Variants in GRK2 observed in about 807,000 individuals in gnomAD.
The protein encoded by GRK2 is G protein-coupled receptor kinase 2, also known as adrenergic beta receptor kinase 1.
A neutral mutation model predicts 97.8 loss-of-function variants in GRK2; 23 were observed. The ratio of observed to expected loss-of-function variants is 0.24; its 90% CI spans 0.17 to 0.33. GRK2 has a LOEUF of 0.33. Among genes scored for constraint, GRK2 ranks in the 10% least tolerant of loss-of-function variants. The pLI is 1.00. For missense variants in GRK2, 633 were observed against 956.9 expected (o/e 0.66, Z 4.47); for synonymous variants, 425 against 381.7 (o/e 1.11, Z -1.32).
chr11:67,283,055 C>T (rs1043071699), intron 14 of GRK2, 73 bp from the exon 15 acceptor site: 3 of 1,488,750 alleles, frequency 2.0e-6, no homozygotes, highest in Middle Eastern at 1.7e-4. Context: ...GCCTGGACCC[C>T]TCTCTCCCCT....
chr11:67,270,920 A>G (rs1859892861), intron 1 of GRK2: 1 of 152,214 alleles, frequency 6.6e-6, no homozygotes, highest in Non-Finnish European at 1.5e-5. Context: ...TTAATGCACA[A>G]TCAATTCCTA....
chr11:67,272,923 G>A (rs1319352372), intron 1 of GRK2, among the ~76,000 whole-genome samples: 1 of 152,258 alleles, frequency 6.6e-6, no homozygotes, highest in African/African-American at 2.4e-5. Flanking sequence ...AGAGGCTTGA[G>A]CAAGACCAGT....
chr11:67,274,856 C>G (rs1009646461), intron 1 of GRK2, among the ~76,000 whole-genome samples: 1 of 152,126 alleles, frequency 6.6e-6, no homozygotes, highest in Admixed American at 6.5e-5. Context: ...CCCGAAGGGG[C>G]GGGTGTGCTG....
chr11:67,268,086 T>C (rs1244963004), intron 1 of GRK2, among the ~76,000 whole-genome samples: 5 of 152,202 alleles, frequency 3.3e-5, no homozygotes, highest in Non-Finnish European at 7.4e-5. Context: ...CGTGGTCTTA[T>C]CTTGTGACTC....
At position 67,281,780 on chromosome 11, in the gene GRK2, G is replaced by GGGC; in HGVS notation, c.827-41_827-39dup. The GGGC allele has an allele frequency of 5.6e-6, 9 of 1,613,642 alleles. No individual in the cohort carries two copies. The highest frequency in any genetic ancestry group is 7.6e-6 in the Non-Finnish European group (9 of 1,179,984). The stretch of plus-strand genomic sequence containing the variant: ...GGCCGGGCCCAGGCACGGGAGGCTG[G>GGGC]GGCAAGACACTGAGTGCTGCCTGTG... On this transcript the variant is annotated intron_variant, in intron 10 of 20. Transcript: ENST00000308595. The surrounding 1 kb of genome is among the most constrained non-coding windows in gnomAD (Gnocchi z 5.7).
intron 1 of GRK2, among the ~76,000 whole-genome samples, chr11:67,274,994 C>T (rs537488198): frequency 1.6e-4 from 25 of 152,170 alleles, no homozygotes; most frequent in African/African-American, 4.1e-4. Flanking sequence ...TCATAGGATG[C>T]GAACTCAGGG....
At chr11:67,284,063 C>A in intron 17 of GRK2, 114 bp downstream of exon 17, 4 of 1,407,044 alleles carry the variant, frequency 2.8e-6, no homozygotes, top group Admixed American at 1.9e-5. Context: ...AGCTTGTAGG[C>A]CTCAGTTCCT....
chr11:67,277,730 C>T (rs1234479411), intron 2 of GRK2, among the ~76,000 whole-genome samples: 1 of 152,254 alleles, frequency 6.6e-6, no homozygotes, highest in Admixed American at 6.5e-5. Context: ...TGGTTGGCCC[C>T]GCCCCACCCC....
intron 1 of GRK2, among the ~76,000 whole-genome samples, chr11:67,272,396 T>A (rs1292203328): frequency 6.6e-6 from 1 of 151,592 alleles, no homozygotes; most frequent in Non-Finnish European, 1.5e-5. Context: ...TCAGCAAGAG[T>A]GTGTTTGTCT....
rs771198173 is a variant in GRK2 at position 67,266,747 on chromosome 11, C to T, written c.48C>T (p.Ala16=). Residue 16 remains alanine, a synonymous_variant, in exon 1 of 21, where the codon GCC becomes GCT. Coordinates refer to ENST00000308595, the MANE Select transcript of GRK2 (RefSeq NM_001619.5). ...AVLADVSYLM[A]MEKSKATPAA... ...TGGCCGACGTGAGCTACCTGATGGC[C>T]ATGGAGAAGAGCAAGGCCACGCCGG... 4.4e-5 allele frequency: 61 copies of T among 1,380,434 alleles called. No individual in the cohort carries two copies. Among genetic ancestry groups the T allele is most frequent in the Non-Finnish European group, 5.5e-5 (58 of 1,054,760 alleles). 85.5% of individuals were successfully genotyped at this position (1,380,434 alleles called of 1,614,324 possible). A position where few individuals can be genotyped will look rare whatever the true frequency, so the allele number is the denominator to read the frequency against.
intron 1 of GRK2, among the ~76,000 whole-genome samples, chr11:67,275,907 G>T (rs1234785656): frequency 6.6e-6 from 1 of 152,176 alleles, no homozygotes; most frequent in Non-Finnish European, 1.5e-5. Context: ...GGGCAGGGCT[G>T]TTTGGAGCAG....
chr11:67,282,142 G>A lies in GRK2; in HGVS notation c.958-129G>A. On this transcript the variant is annotated intron_variant, in intron 11 of 20. Transcript: ENST00000308595. The surrounding 1 kb of genome is among the most constrained non-coding windows in gnomAD (Gnocchi z 6.9). The stretch of plus-strand genomic sequence containing the variant: ...GGTTGTAGCTGGGGACAGGAGAGAG[G>A]ACCCCCACCTTTGCCCTTTCTTTGG... 2 of 1,200,886 alleles carry A rather than the reference G, an allele frequency of 1.7e-6. No homozygotes were observed. The highest frequency in any genetic ancestry group is 2.8e-5 in the South Asian group (2 of 72,498). The allele number at this position is 1,200,886 out of a possible 1,614,324, so 74.4% of individuals were successfully genotyped here. A position where few individuals can be genotyped will look rare whatever the true frequency, so the allele number is the denominator to read the frequency against.
At chr11:67,279,387 C>G in intron 3 of GRK2, 31 bp from the exon 4 acceptor site, 2 of 1,610,892 alleles carry the variant, frequency 1.2e-6, no homozygotes, top group Non-Finnish European at 1.7e-6. Context: ...CTGCTGGGCT[C>G]TAGATGACCT....
At chr11:67,275,108 G>A (rs1041410644) in intron 1 of GRK2, among the ~76,000 whole-genome samples, 3 of 152,178 alleles carry the variant, frequency 2.0e-5, no homozygotes, top group African/African-American at 7.2e-5. Context: ...AGCAGGCCAG[G>A]GGGTCGCGGC....
intron 1 of GRK2, among the ~76,000 whole-genome samples, chr11:67,272,249 C>G (rs1242047838): frequency 1.3e-5 from 2 of 152,166 alleles, no homozygotes; most frequent in East Asian, 3.8e-4. Flanking sequence ...GCCCTGCACC[C>G]AGCTCTTCCA....
chr11:67,274,057 G>C (rs570442181), intron 1 of GRK2, among the ~76,000 whole-genome samples: 7 of 144,166 alleles, frequency 4.9e-5, no homozygotes, highest in Non-Finnish European at 1.0e-4. Context: ...CTGTCACCCA[G>C]GCTGGAGTGC....
chr11:67,276,630 G>GT lies in GRK2; in HGVS notation c.114-636dup, dbSNP rs1860033195. On this transcript the variant is annotated intron_variant, in intron 1 of 20. Transcript: ENST00000308595. This position sits in a 1 kb window ranked among gnomAD's most constrained non-coding sequence, Gnocchi z 4.2. The stretch of plus-strand genomic sequence containing the variant: ...TCATCATTTTATTATACAATGTAGT[G>GT]TTTTTTAGTACATTGACCGTGTTGT... 1 of 152,186 alleles carries GT rather than the reference G, an allele frequency of 6.6e-6. No individual in the cohort carries two copies. The highest frequency in any genetic ancestry group is 2.4e-5 in the African/African-American group (1 of 41,404). 9.4% of individuals were successfully genotyped at this position (152,186 alleles called of 1,614,324 possible).
intron 1 of GRK2, 108 bp from the exon 2 acceptor site, chr11:67,277,164 C>T (rs1376874736): frequency 1.9e-6 from 2 of 1,056,484 alleles, no homozygotes; most frequent in Non-Finnish European, 2.9e-6. Context: ...TGGCCTCCTT[C>T]CTGGAGGGAG....
chr11:67,277,111 T>C, intron 1 of GRK2, 161 bp from the exon 2 acceptor site: 1 of 614,058 alleles, frequency 1.6e-6, no homozygotes, highest in Non-Finnish European at 2.8e-6. Context: ...TGAAGCCTTC[T>C]GGTCTGACCT....
Sources: gnomAD v4.1 joint callset for allele counts (sites outside exome capture counted in the v4.1 genomes callset) on GRCh38, gnomAD v4.1.1 for gene constraint, Gnocchi (gnomAD v3.1) non-coding constraint, MANE v1.5 for transcripts, NCBI Gene and HGNC (gene_info 2026-07-23, HGNC 2026-07-21) for gene names.